The following SLC39A11 variants were observed in gnomAD, a reference collection of about 807,000 sequenced individuals.
SLC39A11 encodes the protein solute carrier family 39 member 11.
A neutral mutation model predicts 36.1 loss-of-function variants in SLC39A11; 33 were observed. The observed-to-expected ratio is 0.91, with a 90% CI of 0.69 to 1.22. The LOEUF (loss-of-function observed/expected upper bound fraction) is 1.22. SLC39A11 is among the 50% of genes most tolerant of loss of function. The pLI, the probability that SLC39A11 is intolerant of heterozygous loss-of-function variation, is 0.00. For missense variants in SLC39A11, 432 were observed against 430.3 expected (o/e 1.00, Z -0.03); for synonymous variants, 166 against 170.3 (o/e 0.97, Z 0.20).
chr17:73,088,828 G>A (rs2060830571), intron 1 of SLC39A11, 53 bp from the exon 2 acceptor site: 7 of 1,349,536 alleles, frequency 5.2e-6, no homozygotes, highest in Non-Finnish European at 6.2e-6. Context: ...TCAGTGACAG[G>A]CGCATATTCT....
intron 5 of SLC39A11, among the ~76,000 whole-genome samples, chr17:72,894,669 CAAAAAAAA>C (rs10657098): frequency 2.5e-5 from 3 of 121,350 alleles, no homozygotes; most frequent in African/African-American, 9.1e-5. Flanking sequence ...GACCCTGTCT[CAAAAAAAA>C]AAAAAAAAAA....
At chr17:72,759,794 T>C (rs1208799847) in intron 6 of SLC39A11, among the ~76,000 whole-genome samples, 1 of 152,130 alleles carries the variant, frequency 6.6e-6, no homozygotes, top group Non-Finnish European at 1.5e-5. Flanking sequence ...TCAGATCTAG[T>C]ATTCAAGAAA....
chr17:72,765,887 C>A (rs2144620478), intron 6 of SLC39A11, among the ~76,000 whole-genome samples: 1 of 152,238 alleles, frequency 6.6e-6, no homozygotes, highest in African/African-American at 2.4e-5. Context: ...TTTCAACAAC[C>A]TCAAGGGCCC....
intron 5 of SLC39A11, among the ~76,000 whole-genome samples, chr17:72,928,599 G>GA (rs1407158427): frequency 9.9e-5 from 15 of 151,352 alleles, no homozygotes; most frequent in Admixed American, 2.0e-4. Context: ...GGCTTTGAAG[G>GA]AAAAAAAAAT....
chr17:72,792,720 G>A (rs1006312628), intron 6 of SLC39A11, among the ~76,000 whole-genome samples: 2 of 152,158 alleles, frequency 1.3e-5, no homozygotes, highest in African/African-American at 2.4e-5. Context: ...GCCAGGTCGC[G>A]GAGGCTGTGG....
intron 9 of SLC39A11, among the ~76,000 whole-genome samples, chr17:72,648,336 A>T (rs1052025504): frequency 6.6e-5 from 8 of 121,216 alleles, no homozygotes; most frequent in African/African-American, 2.3e-4. Context: ...CCATTAAAAA[A>T]AAAAAAAAAA....
chr17:73,005,969 A>AAAT (rs2090155928), intron 4 of SLC39A11, among the ~76,000 whole-genome samples: 1 of 152,008 alleles, frequency 6.6e-6, no homozygotes, highest in Admixed American at 6.6e-5. Flanking sequence ...AATAAAAATA[A>AAAT]AATAATAATA....
At chr17:72,726,546 G>A (rs1384462819) in intron 7 of SLC39A11, among the ~76,000 whole-genome samples, 3 of 152,000 alleles carry the variant, frequency 2.0e-5, no homozygotes, top group African/African-American at 7.3e-5. Context: ...ACAATCTACT[G>A]GAGCAAAAGT....
At chr17:73,030,242 T>C (rs1271368290) in intron 4 of SLC39A11, among the ~76,000 whole-genome samples, 3 of 152,160 alleles carry the variant, frequency 2.0e-5, no homozygotes, top group Admixed American at 6.5e-5. Context: ...CATTGACCAG[T>C]AGCGGTCCTT....
At chr17:72,761,099 C>T (rs2075558889) in intron 6 of SLC39A11, among the ~76,000 whole-genome samples, 1 of 152,154 alleles carries the variant, frequency 6.6e-6, no homozygotes, top group Non-Finnish European at 1.5e-5. Flanking sequence ...TCAAATTCCA[C>T]CCCAGGCCTT....
chr17:72,969,489 T>C (rs2087266768), intron 4 of SLC39A11, among the ~76,000 whole-genome samples: 1 of 152,130 alleles, frequency 6.6e-6, no homozygotes, highest in East Asian at 1.9e-4. Flanking sequence ...TGTCATGCCT[T>C]ATGGACACCA....
chr17:73,088,770 A>T lies in SLC39A11; in HGVS notation c.-6T>A. On this transcript the variant is annotated 5_prime_UTR_variant, in exon 2 of 10. Transcript: ENST00000255559. Reference sequence around the variant, plus strand: ...GAGCTGTGGCCTTGGAGCATGCTGGATACAGCTGTGCAAGAGGAGCGAGAG... The same window carrying T: ...GAGCTGTGGCCTTGGAGCATGCTGGTTACAGCTGTGCAAGAGGAGCGAGAG... The T allele has an allele frequency of 6.3e-7, 1 of 1,596,306 alleles. No homozygotes were observed. Among genetic ancestry groups the T allele is most frequent in the Non-Finnish European group, 8.5e-7 (1 of 1,171,324 alleles).
intron 7 of SLC39A11, among the ~76,000 whole-genome samples, chr17:72,672,176 G>A (rs889378239): frequency 3.3e-5 from 5 of 152,156 alleles, no homozygotes; most frequent in East Asian, 3.9e-4. Context: ...CAGGCTGGGC[G>A]CATGGCTCAT....
At position 72,780,489 on chromosome 17, in the gene SLC39A11, G is replaced by C. The variant is rs540816821; in HGVS notation, c.602-43770C>G. Among the ~76,000 whole-genome samples, 9 of 140,732 alleles carry C rather than the reference G, an allele frequency of 6.4e-5. No homozygotes were observed. In the East Asian group the frequency reaches 1.6e-3, roughly 25 times the overall value. 92.3% of individuals were successfully genotyped at this position (140,732 alleles called of 152,430 possible). A position where few individuals can be genotyped will look rare whatever the true frequency, so the allele number is the denominator to read the frequency against. ...AGGGTATTAATTCCACGTCTACTACGTGCACCGCACAGTGCTAAGGGCCCT... is the reference window on the plus strand; with the variant it reads ...AGGGTATTAATTCCACGTCTACTACCTGCACCGCACAGTGCTAAGGGCCCT... On this transcript the variant is annotated intron_variant, in intron 6 of 9. Coordinates refer to ENST00000255559, the MANE Select transcript of SLC39A11 (RefSeq NM_139177.4).
chr17:72,678,523 G>C (rs1366721325), intron 7 of SLC39A11, among the ~76,000 whole-genome samples: 1 of 152,072 alleles, frequency 6.6e-6, no homozygotes, highest in African/African-American at 2.4e-5. Flanking sequence ...TGGCCAACAT[G>C]GTGAAACTCC....
At chr17:72,800,087 T>C (rs1181261099) in intron 6 of SLC39A11, among the ~76,000 whole-genome samples, 1 of 151,966 alleles carries the variant, frequency 6.6e-6, no homozygotes, top group Non-Finnish European at 1.5e-5. Flanking sequence ...AAAGAACATA[T>C]GTTGAAATAT....
At chr17:72,882,798 T>TTTTTTTTTTTTTTTTTTC (rs2081262763) in intron 5 of SLC39A11, among the ~76,000 whole-genome samples, 3 of 125,670 alleles carry the variant, frequency 2.4e-5, no homozygotes, top group East Asian at 2.2e-4. Flanking sequence ...AGAATGCTTC[T>TTTTTTTTTTTTTTTTTTC]TTTTTTTTTT....
intron 3 of SLC39A11, among the ~76,000 whole-genome samples, chr17:73,048,009 A>ATG (rs2059376296): frequency 1.4e-5 from 1 of 73,242 alleles, no homozygotes; most frequent in Non-Finnish European, 2.7e-5. Context: ...ATATATATAT[A>ATG]TATATATATA....
chr17:72,754,037 TATATATATACACATACACACAC>T (rs1305252366), intron 6 of SLC39A11, among the ~76,000 whole-genome samples: 135 of 119,606 alleles, frequency 1.1e-3, no homozygotes, highest in Non-Finnish European at 1.1e-3. Context: ...TATATATATA[TATATATATACACATACACACAC>T]ACACACACAC....
Sources: gnomAD v4.1 joint callset for allele counts (sites outside exome capture counted in the v4.1 genomes callset) on GRCh38, gnomAD v4.1.1 for gene constraint, MANE v1.5 for transcripts, NCBI Gene and HGNC (gene_info 2026-07-23, HGNC 2026-07-21) for gene names.